Variants in DAB2IP observed in about 807,000 individuals in gnomAD.
DAB2IP encodes the protein disabled homolog 2-interacting protein.
Under a neutral mutation model 107.2 loss-of-function variants are expected in DAB2IP, and 28 were observed. That is an observed-to-expected ratio of 0.26 (90% CI 0.19 to 0.36). The LOEUF (loss-of-function observed/expected upper bound fraction) is 0.36, where lower values mean the gene tolerates loss of function less well. DAB2IP is among the 10% of genes least tolerant of loss of function. The pLI is 1.00. For synonymous variants in DAB2IP, 755 were observed against 706.4 expected, an observed-to-expected ratio of 1.07 and a Z score of -1.09; for missense variants, 1,400 against 1,644.7, an observed-to-expected ratio of 0.85 and a Z score of 2.57.
chr9:121,615,869 A>G (rs1376901599), intron 1 of DAB2IP, among the ~76,000 whole-genome samples: 2 of 151,150 alleles, frequency 1.3e-5, no homozygotes, highest in African/African-American at 4.9e-5. Context: ...CAAGTGATCC[A>G]CCTCCCTTGG....
Position 121,772,558 on chromosome 9 carries a change from C to G in DAB2IP, c.2079-49C>G, listed in dbSNP as rs1564223530. ...TTTGGACCCGCCTTGGCTGCACTCACAGTTCTTCTTTTCCCCTTCTTTCCC... is the reference window on the plus strand; with the variant it reads ...TTTGGACCCGCCTTGGCTGCACTCAGAGTTCTTCTTTTCCCCTTCTTTCCC... On this transcript the variant is annotated intron_variant, in intron 11 of 15. Transcript: ENST00000408936. The surrounding 1 kb of genome is among the most constrained non-coding windows in gnomAD (Gnocchi z 4.7). The G allele has an allele frequency of 2.6e-6, 4 of 1,566,512 alleles. No individual in the cohort carries two copies. The highest frequency in any genetic ancestry group is 1.7e-5 in the Admixed American group (1 of 57,216).
chr9:121,742,991 TG>T, intron 3 of DAB2IP: 2 of 985,472 alleles, frequency 2.0e-6, no homozygotes, highest in Non-Finnish European at 1.2e-6. Context: ...GTGGAGCAGT[TG>T]GGGCCTGTGG....
Position 121,698,984 on chromosome 9 carries a change from C to T in DAB2IP, c.229-341C>T, listed in dbSNP as rs1316264530. ...TCTCCGCCCCTCCGCAGCCCCGCCCCCTCGTCCCGGTACTCCCCCTCGCCC... is the reference window on the plus strand; with the variant it reads ...TCTCCGCCCCTCCGCAGCCCCGCCCTCTCGTCCCGGTACTCCCCCTCGCCC... On this transcript the variant is annotated intron_variant, in intron 2 of 15. Transcript: ENST00000408936. This position sits in a 1 kb window ranked among gnomAD's most constrained non-coding sequence, Gnocchi z 4.1. Among the ~76,000 whole-genome samples, 8 of 151,698 alleles carry T rather than the reference C, an allele frequency of 5.3e-5. No individual in the cohort carries two copies.
chr9:121,757,182 G>A lies in DAB2IP; in HGVS notation c.516+16G>A. 1 of 1,610,666 alleles carries A rather than the reference G, an allele frequency of 6.2e-7. No homozygotes were observed. The highest frequency in any genetic ancestry group is 8.5e-7 in the Non-Finnish European group (1 of 1,177,804). On this transcript the variant is annotated intron_variant, in intron 4 of 15. Coordinates refer to ENST00000408936, the Ensembl canonical transcript of DAB2IP. ...CTGCTTCGAGGTGGGTCCCATCACA[G>A]GGGTTGGGGTGGACACCCCATCCTC... is the stretch of plus-strand genomic sequence containing the variant.
At chr9:121,673,768 G>A (rs1833777506) in intron 1 of DAB2IP, among the ~76,000 whole-genome samples, 1 of 152,128 alleles carries the variant, frequency 6.6e-6, no homozygotes, top group South Asian at 2.1e-4. Flanking sequence ...GGGGTGTCAG[G>A]TCAGGAGAGA....
chr9:121,642,615 T>TAAA (rs397893249), intron 1 of DAB2IP, among the ~76,000 whole-genome samples: 3 of 123,958 alleles, frequency 2.4e-5, no homozygotes, highest in African/African-American at 6.1e-5. Flanking sequence ...TCTTTTCTAT[T>TAAA]AAAAAAAAAA....
rs143516536 is a variant in DAB2IP at position 121,609,665 on chromosome 9, G to A, written c.40+42437G>A. Among the ~76,000 whole-genome samples the A allele has an allele frequency of 1.8e-4, 27 of 152,378 alleles. No individual in the cohort carries two copies. In the East Asian group the frequency reaches 2.5e-3, roughly 14 times the overall value. The stretch of plus-strand genomic sequence containing the variant: ...AAGATGTAAGCTGGACAGACCATTG[G>A]AAATCTTCTGGTGCGATCTATCCAT... On this transcript the variant is annotated intron_variant, in intron 1 of 16. Transcript: ENST00000259371.
At chr9:121,578,701 C>T (rs893448901) in intron 1 of DAB2IP, among the ~76,000 whole-genome samples, 1 of 149,574 alleles carries the variant, frequency 6.7e-6, no homozygotes. Flanking sequence ...TCCTCACTGC[C>T]TCATCCTCTC....
chr9:121,674,687 A>C (rs1833818625), intron 1 of DAB2IP, among the ~76,000 whole-genome samples: 2 of 152,138 alleles, frequency 1.3e-5, no homozygotes, highest in African/African-American at 4.8e-5. Context: ...AGATTGGACC[A>C]AGCAACCTCT....
intron 1 of DAB2IP, among the ~76,000 whole-genome samples, chr9:121,631,967 G>A (rs1831905331): frequency 6.6e-6 from 1 of 152,166 alleles, no homozygotes; most frequent in South Asian, 2.1e-4. Flanking sequence ...GGATGGGCGG[G>A]AGGCTGGGTG....
chr9:121,696,942 C>T (rs1349471087), intron 2 of DAB2IP, among the ~76,000 whole-genome samples: 1 of 152,184 alleles, frequency 6.6e-6, no homozygotes, highest in East Asian at 1.9e-4. Flanking sequence ...ATATACTGCT[C>T]ACTCCATAAT....
intron 3 of DAB2IP, among the ~76,000 whole-genome samples, chr9:121,726,444 A>G (rs1363110166): frequency 3.9e-5 from 6 of 152,204 alleles, no homozygotes; most frequent in Non-Finnish European, 5.9e-5. Flanking sequence ...GTTGCAGCAA[A>G]TTAATCAAAC....
chr9:121,699,935 T>C lies in DAB2IP; in HGVS notation c.362+477T>C, dbSNP rs1294915946. Among the ~76,000 whole-genome samples the C allele has an allele frequency of 6.6e-6, 1 of 152,084 alleles. No individual in the cohort carries two copies. The highest frequency in any genetic ancestry group is 1.5e-5 in the Non-Finnish European group (1 of 67,998). On this transcript the variant is annotated intron_variant, in intron 3 of 15. Coordinates refer to ENST00000408936, the Ensembl canonical transcript of DAB2IP. The surrounding 1 kb of genome is among the most constrained non-coding windows in gnomAD (Gnocchi z 6.2). Reference sequence around the variant, plus strand: ...CGTGGTGAGGGGAAGGGTGAACATCTGGAGGGGAGGAGCAGGGGGCTGGGC... The same window carrying C: ...CGTGGTGAGGGGAAGGGTGAACATCCGGAGGGGAGGAGCAGGGGGCTGGGC...
At chr9:121,621,394 C>T (rs1428574998) in intron 1 of DAB2IP, among the ~76,000 whole-genome samples, 1 of 152,154 alleles carries the variant, frequency 6.6e-6, no homozygotes, top group East Asian at 1.9e-4. Flanking sequence ...TCCTTGCCAA[C>T]AGTTCCTTCC....
chr9:121,579,731 A>C (rs1181339777), intron 1 of DAB2IP, among the ~76,000 whole-genome samples: 2 of 152,086 alleles, frequency 1.3e-5, no homozygotes, highest in African/African-American at 2.4e-5. Flanking sequence ...CACACCTTGG[A>C]GCTTCATCTC....
intron 1 of DAB2IP, among the ~76,000 whole-genome samples, chr9:121,646,165 G>A (rs891030415): frequency 1.3e-5 from 2 of 152,146 alleles, no homozygotes; most frequent in Admixed American, 6.5e-5. Flanking sequence ...CCAAGCCTGG[G>A]GTCATCTTGT....
intron 1 of DAB2IP, among the ~76,000 whole-genome samples, chr9:121,629,500 G>A (rs1231316759): frequency 6.6e-6 from 1 of 152,176 alleles, no homozygotes; most frequent in Non-Finnish European, 1.5e-5. Flanking sequence ...CGGGCTGGCC[G>A]GGCAGGCGCC....
chr9:121,582,281 C>A (rs1830214303), intron 1 of DAB2IP, among the ~76,000 whole-genome samples: 1 of 152,104 alleles, frequency 6.6e-6, no homozygotes, highest in Non-Finnish European at 1.5e-5. Flanking sequence ...GTGAAGAGGT[C>A]AGGGACTGCC....
chr9:121,752,660 T>A (rs1461724547), intron 3 of DAB2IP, among the ~76,000 whole-genome samples: 1 of 152,232 alleles, frequency 6.6e-6, no homozygotes, highest in Non-Finnish European at 1.5e-5. Context: ...GGCAGGCCGC[T>A]GCGAGAGTGG....
Sources: gnomAD v4.1 joint callset for allele counts (sites outside exome capture counted in the v4.1 genomes callset) on GRCh38, gnomAD v4.1.1 for gene constraint, Gnocchi (gnomAD v3.1) non-coding constraint, MANE v1.5 for transcripts, NCBI Gene and HGNC (gene_info 2026-07-23, HGNC 2026-07-21) for gene names.